GRIA1: variants seen among roughly 807,000 people sequenced by gnomAD.
GRIA1 encodes glutamate receptor 1.
Under a neutral mutation model 99.2 loss-of-function variants are expected in GRIA1, and 31 were observed. The ratio of observed to expected loss-of-function variants is 0.31; its 90% CI spans 0.23 to 0.42. The LOEUF is 0.42. Ranked by LOEUF, GRIA1 falls within the 10% of genes least tolerant of loss-of-function variation. GRIA1 has a pLI of 1.00. For synonymous variants in GRIA1, 438 were observed against 432.4 expected (o/e 1.01, Z -0.16); for missense variants, 782 against 1,157.5 (o/e 0.68, Z 4.71).
chr5:153,573,611 T>C (rs1163069372), intron 2 of GRIA1, among the ~76,000 whole-genome samples: 1 of 152,196 alleles, frequency 6.6e-6, no homozygotes, highest in Admixed American at 6.5e-5. Context: ...TCATCTCTCA[T>C]GTCAACTGAG....
At chr5:153,799,153 G>T (rs1207355763) in intron 14 of GRIA1, among the ~76,000 whole-genome samples, 4 of 152,146 alleles carry the variant, frequency 2.6e-5, no homozygotes. Flanking sequence ...GGTACCCTGA[G>T]GGGTGCTCAG....
chr5:153,570,949 A>T (rs1447227085), intron 2 of GRIA1, among the ~76,000 whole-genome samples: 1 of 152,178 alleles, frequency 6.6e-6, no homozygotes, highest in African/African-American at 2.4e-5. Context: ...CTTCTGGATT[A>T]CTAATATCAA....
At chr5:153,778,007 C>T (rs1296448106) in intron 13 of GRIA1, among the ~76,000 whole-genome samples, 1 of 152,098 alleles carries the variant, frequency 6.6e-6, no homozygotes, top group Non-Finnish European at 1.5e-5. Flanking sequence ...AGAGACAAAG[C>T]CCTCTGAGTG....
intron 11 of GRIA1, among the ~76,000 whole-genome samples, chr5:153,730,356 A>G (rs1760917686): frequency 6.6e-6 from 1 of 152,080 alleles, no homozygotes; most frequent in Admixed American, 6.6e-5. Flanking sequence ...AAGAGCCTTG[A>G]TGAATGTATG....
rs1041086573 is a variant in GRIA1 at position 153,582,293 on chromosome 5, G to A, written c.221-64635G>A. 7.9e-5 allele frequency among the ~76,000 whole-genome samples: 12 copies of A among 152,142 alleles called. No individual in the cohort carries two copies. The East Asian group carries it at 2.3e-3, about 29-fold the overall frequency. On this transcript the variant is annotated intron_variant, in intron 2 of 15. Coordinates refer to ENST00000285900, the MANE Select transcript of GRIA1 (RefSeq NM_000827.4). The stretch of plus-strand genomic sequence containing the variant: ...CCTTGGCAAATTATAGCATTCAAGG[G>A]TTTTAGGGTAATGTTCATGGATCCC...
intron 5 of GRIA1, among the ~76,000 whole-genome samples, chr5:153,662,337 A>G (rs769000954): frequency 1.3e-5 from 2 of 152,230 alleles, no homozygotes; most frequent in Non-Finnish European, 2.9e-5. Flanking sequence ...TTGTCCCAGA[A>G]GCAACCTGAC....
chr5:153,537,090 C>A (rs1389285), intron 2 of GRIA1, among the ~76,000 whole-genome samples: 1 of 152,154 alleles, frequency 6.6e-6, no homozygotes, highest in African/African-American at 2.4e-5. Flanking sequence ...TAAAAGCAAT[C>A]GGACATCTTG....
chr5:153,722,332 T>A (rs1024480283), intron 11 of GRIA1, among the ~76,000 whole-genome samples: 4 of 152,112 alleles, frequency 2.6e-5, no homozygotes, highest in African/African-American at 9.7e-5. Context: ...TGTAGTCCAG[T>A]TTCACAAGAT....
intron 2 of GRIA1, among the ~76,000 whole-genome samples, chr5:153,564,776 G>T (rs1248735625): frequency 6.6e-6 from 1 of 152,148 alleles, no homozygotes; most frequent in Non-Finnish European, 1.5e-5. Context: ...AATTCCAAAG[G>T]TTGCCATGTT....
chr5:153,621,762 T>C (rs908035604), intron 2 of GRIA1, among the ~76,000 whole-genome samples: 1 of 152,220 alleles, frequency 6.6e-6, no homozygotes, highest in African/African-American at 2.4e-5. Context: ...AAAAGTCTGA[T>C]ATTAACCATG....
At chr5:153,602,462 A>G (rs1189076006) in intron 2 of GRIA1, among the ~76,000 whole-genome samples, 1 of 151,968 alleles carries the variant, frequency 6.6e-6, no homozygotes, top group Non-Finnish European at 1.5e-5. Flanking sequence ...GCACACCAGC[A>G]TGGCACATGT....
Position 153,521,429 on chromosome 5 carries a change from C to T in GRIA1, c.220+27364C>T, listed in dbSNP as rs189267660. Reference sequence around the variant, plus strand: ...TGCAAAGGTACATTTTATTTAACTCCATGCCCAGCCCTGTGGCAGTCTGGG... The same window carrying T: ...TGCAAAGGTACATTTTATTTAACTCTATGCCCAGCCCTGTGGCAGTCTGGG... On this transcript the variant is annotated intron_variant, in intron 2 of 15. Transcript: ENST00000285900. Among the ~76,000 whole-genome samples, 20 of 152,352 alleles carry T rather than the reference C, an allele frequency of 1.3e-4. No individual in the cohort carries two copies. The East Asian group carries it at 3.5e-3, about 26-fold the overall frequency.
intron 2 of GRIA1, among the ~76,000 whole-genome samples, chr5:153,644,452 G>T (rs1753992193): frequency 6.6e-6 from 1 of 152,082 alleles, no homozygotes; most frequent in Admixed American, 6.6e-5. Context: ...AGCCCCTGCT[G>T]CAGGTCATAT....
At chr5:153,652,338 T>G (rs1754634688) in intron 4 of GRIA1, among the ~76,000 whole-genome samples, 1 of 152,236 alleles carries the variant, frequency 6.6e-6, no homozygotes, top group South Asian at 2.1e-4. Flanking sequence ...TACTACTATT[T>G]TTTTAGTGTG....
chr5:153,711,614 T>A (rs1759320195), intron 11 of GRIA1, among the ~76,000 whole-genome samples: 1 of 152,144 alleles, frequency 6.6e-6, no homozygotes, highest in African/African-American at 2.4e-5. Context: ...ACATTTTATC[T>A]AAGATCACCC....
chr5:153,645,347 C>A (rs1307558884), intron 2 of GRIA1, among the ~76,000 whole-genome samples: 1 of 152,106 alleles, frequency 6.6e-6, no homozygotes, highest in African/African-American at 2.4e-5. Flanking sequence ...GAGATTATGA[C>A]CTTTAAAGCC....
At chr5:153,805,837 G>T (rs1349025840) in intron 15 of GRIA1, among the ~76,000 whole-genome samples, 2 of 152,116 alleles carry the variant, frequency 1.3e-5, no homozygotes, top group East Asian at 1.9e-4. Context: ...CAACATCAGG[G>T]TCTCTTGGAA....
intron 2 of GRIA1, among the ~76,000 whole-genome samples, chr5:153,638,024 A>G (rs1349213464): frequency 6.6e-6 from 1 of 152,240 alleles, no homozygotes; most frequent in African/African-American, 2.4e-5. Flanking sequence ...AAAATAAAAT[A>G]ATCAATTCAT....
intron 2 of GRIA1, among the ~76,000 whole-genome samples, chr5:153,640,647 AT>A (rs927256099): frequency 2.0e-5 from 3 of 152,212 alleles, no homozygotes; most frequent in African/African-American, 7.2e-5. Context: ...ATGATCATTT[AT>A]CCTGTGGCTG....
Sources: allele counts gnomAD v4.1 joint callset (sites outside exome capture counted in the v4.1 genomes callset), GRCh38; gene constraint gnomAD v4.1.1; transcripts MANE v1.5; gene names NCBI Gene and HGNC (gene_info 2026-07-23, HGNC 2026-07-21).